AXDND1: variants seen among roughly 807,000 people sequenced by gnomAD.
The protein encoded by AXDND1 is axonemal dynein light chain domain containing 1, also known as axonemal dynein light chain domain-containing protein 1.
A neutral mutation model predicts 137.5 loss-of-function variants in AXDND1; 110 were observed. That is an observed-to-expected ratio of 0.80 (90% CI 0.69 to 0.94). The LOEUF (loss-of-function observed/expected upper bound fraction) is 0.94, where lower values mean the gene tolerates loss of function less well. Ranked by LOEUF, AXDND1 falls within the 40% of genes least tolerant of loss-of-function variation. AXDND1 has a pLI of 0.00. For synonymous variants in AXDND1, 414 were observed against 399.7 expected, an observed-to-expected ratio of 1.04 and a Z score of -0.43; for missense variants, 1,191 against 1,169.8, an observed-to-expected ratio of 1.02 and a Z score of -0.26.
At chr1:179,462,869 G>A (rs1662560885) in intron 16 of AXDND1, among the ~76,000 whole-genome samples, 1 of 152,116 alleles carries the variant, frequency 6.6e-6, no homozygotes, top group South Asian at 2.1e-4. Flanking sequence ...ATGTGTCCAG[G>A]AATTTATCCA....
intron 12 of AXDND1, among the ~76,000 whole-genome samples, chr1:179,418,302 G>C (rs532259006): frequency 5.3e-5 from 8 of 152,198 alleles, no homozygotes; most frequent in African/African-American, 1.9e-4. Flanking sequence ...GCATAGGGCT[G>C]GGGGTAAGGT....
rs111923094 is a variant in AXDND1, at chr1:179,494,194, C to T, written c.2388+1243C>T. 8.4e-3 allele frequency among the ~76,000 whole-genome samples: 1,279 copies of T among 152,156 alleles called. 10 individuals are homozygous for T. The highest frequency in any genetic ancestry group is 0.015 in the Non-Finnish European group (989 of 67,990). ...CTCAAACTCCTGACCTCAAGTGATCCGCCCTCCTCAGCCTCCCAAAGTGCT... is the reference window on the plus strand; with the variant it reads ...CTCAAACTCCTGACCTCAAGTGATCTGCCCTCCTCAGCCTCCCAAAGTGCT... On this transcript the variant is annotated intron_variant, in intron 20 of 25. Coordinates refer to ENST00000367618, the MANE Select transcript of AXDND1 (RefSeq NM_144696.6).
chr1:179,449,356 T>C (rs1660207436), intron 16 of AXDND1: 1 of 295,810 alleles, frequency 3.4e-6, no homozygotes, highest in African/African-American at 2.3e-5. Flanking sequence ...GCTTATTTTG[T>C]AGTCTTAAGC....
chr1:179,461,365 G>T (rs1295406317), intron 16 of AXDND1, among the ~76,000 whole-genome samples: 1 of 152,096 alleles, frequency 6.6e-6, no homozygotes. Context: ...GGTTGTAGAT[G>T]TGTGGTATTA....
chr1:179,417,044 T>C (rs2125245754), intron 12 of AXDND1, among the ~76,000 whole-genome samples: 1 of 152,362 alleles, frequency 6.6e-6, no homozygotes, highest in African/African-American at 2.4e-5. Flanking sequence ...TGGGGTGAGA[T>C]GATATCTCAT....
At position 179,394,023 on chromosome 1, in the gene AXDND1, T is replaced by A. The variant is rs571709171; in HGVS notation, c.984T>A (p.His328Gln). Reference sequence around the variant, plus strand: ...TAGAAGAATTGTATAATTTCAAGCATGTTATTGAAGAACTGACCAGGTAAA... The same window carrying A: ...TAGAAGAATTGTATAATTTCAAGCAAGTTATTGAAGAACTGACCAGGTAAA... Reference protein sequence around the residue: ...RILEELYNFKHVIEELTRELC... With the variant: ...RILEELYNFKQVIEELTRELC... Residue 328 changes from histidine to glutamine, a missense_variant, in exon 10 of 26, where the codon CAT (histidine) becomes CAA (glutamine). Transcript: ENST00000367618. The A allele has an allele frequency of 5.0e-6, 8 of 1,606,122 alleles. No individual in the cohort carries two copies. The East Asian group carries it at 1.4e-4, about 27-fold the overall frequency.
chr1:179,462,601 G>A (rs529273233), intron 16 of AXDND1, among the ~76,000 whole-genome samples: 4 of 152,280 alleles, frequency 2.6e-5, no homozygotes, highest in South Asian at 4.1e-4. Context: ...CTATTGATTG[G>A]AATAGTTTCA....
intron 23 of AXDND1, among the ~76,000 whole-genome samples, chr1:179,532,091 CA>C (rs1279156441): frequency 6.6e-6 from 1 of 152,184 alleles, no homozygotes; most frequent in Non-Finnish European, 1.5e-5. Context: ...CCACAACCAG[CA>C]TTTCAGACCA....
At chr1:179,525,532 T>C (rs1205306910) in intron 22 of AXDND1, 85 bp downstream of exon 22, 37 of 1,396,036 alleles carry the variant, frequency 2.7e-5, no homozygotes, top group Non-Finnish European at 2.9e-5. Context: ...GGTCCTGCCC[T>C]GTCACCCAGG....
intron 21 of AXDND1, among the ~76,000 whole-genome samples, chr1:179,512,958 C>G (rs1373271333): frequency 6.6e-6 from 1 of 152,076 alleles, no homozygotes; most frequent in Admixed American, 6.6e-5. Context: ...TAGGAGCTTT[C>G]TGGAGAGTCT....
At chr1:179,535,698 C>T (rs1025489445) in intron 25 of AXDND1, among the ~76,000 whole-genome samples, 25 of 152,118 alleles carry the variant, frequency 1.6e-4, no homozygotes, top group African/African-American at 5.6e-4. Context: ...GTACATGTGT[C>T]TTTATAGTAG....
intron 12 of AXDND1, among the ~76,000 whole-genome samples, chr1:179,419,741 T>C (rs1027656680): frequency 5.9e-5 from 9 of 152,134 alleles, no homozygotes; most frequent in Non-Finnish European, 1.5e-5. Context: ...CTTGATTTCA[T>C]CTTCAGATTG....
chr1:179,448,560 A>G (rs1660060505), intron 16 of AXDND1: 15 of 312,706 alleles, frequency 4.8e-5, no homozygotes, highest in South Asian at 4.7e-4. Context: ...CAAGGGCTAC[A>G]GCTGAAATTT....
chr1:179,389,020 G>C, intron 9 of AXDND1, among the ~76,000 whole-genome samples: 1 of 111,722 alleles, frequency 9.0e-6, no homozygotes, highest in East Asian at 2.9e-4. Flanking sequence ...CGTCACCCAG[G>C]CTACAGTGCA....
intron 20 of AXDND1, among the ~76,000 whole-genome samples, chr1:179,503,649 A>G (rs1668245511): frequency 6.6e-6 from 1 of 151,836 alleles, no homozygotes; most frequent in South Asian, 2.1e-4. Flanking sequence ...GGTGTGCTGC[A>G]CCCATTAACT....
At chr1:179,427,237 A>G (rs1386047726) in intron 12 of AXDND1, among the ~76,000 whole-genome samples, 1 of 152,136 alleles carries the variant, frequency 6.6e-6, no homozygotes, top group Non-Finnish European at 1.5e-5. Context: ...CACACACAAA[A>G]TCTTCACCAA....
At chr1:179,438,120 C>T (rs1463207647) in intron 15 of AXDND1, among the ~76,000 whole-genome samples, 3 of 151,768 alleles carry the variant, frequency 2.0e-5, no homozygotes, top group Non-Finnish European at 2.9e-5. Flanking sequence ...CCACTGCACT[C>T]CAGCCTGGGC....
chr1:179,429,438 C>A, intron 12 of AXDND1, 80 bp from the exon 13 acceptor site: 3 of 646,590 alleles, frequency 4.6e-6, no homozygotes, highest in Non-Finnish European at 7.2e-6. Flanking sequence ...CATGAAAAAT[C>A]GATATATGAA....
At chr1:179,532,767 C>T (rs1302563097) in intron 23 of AXDND1, among the ~76,000 whole-genome samples, 1 of 151,900 alleles carries the variant, frequency 6.6e-6, no homozygotes, top group Non-Finnish European at 1.5e-5. Context: ...CACCTGTAGT[C>T]CCAGCCACTT....
Sources: gnomAD v4.1 joint callset for allele counts (sites outside exome capture counted in the v4.1 genomes callset) on GRCh38, gnomAD v4.1.1 for gene constraint, MANE v1.5 for transcripts, NCBI Gene and HGNC (gene_info 2026-07-23, HGNC 2026-07-21) for gene names.